HGF: variants seen among roughly 807,000 people sequenced by gnomAD.
HGF encodes hepatocyte growth factor, also known as fibroblast-derived tumor cytotoxic factor.
Under a neutral mutation model 111.6 loss-of-function variants are expected in HGF, and 39 were observed. The observed-to-expected ratio is 0.35, with a 90% CI of 0.27 to 0.46. HGF has a LOEUF of 0.46. Ranked by LOEUF, HGF falls within the 20% of genes least tolerant of loss-of-function variation. The probability of loss-of-function intolerance (pLI) is 1.00; values close to 1 mark genes in which losing one functional copy is unlikely to be tolerated. For synonymous variants in HGF, 285 were observed against 294.8 expected, an observed-to-expected ratio of 0.97 and a Z score of 0.34; for missense variants, 735 against 910.5, an observed-to-expected ratio of 0.81 and a Z score of 2.48.
intron 4 of HGF, chr7:81,756,078 C>G: frequency 1.4e-6 from 1 of 701,372 alleles, no homozygotes; most frequent in Non-Finnish European, 2.6e-6. Context: ...AAAAACAAAT[C>G]ACAGCATGGG....
chr7:81,758,592 T>C, intron 3 of HGF, 100 bp downstream of exon 3: 1 of 754,236 alleles, frequency 1.3e-6, no homozygotes, highest in South Asian at 1.4e-5. Flanking sequence ...TCATATATAG[T>C]AGAAAAATCA....
At chr7:81,768,136 T>C (rs964278660) in intron 1 of HGF, among the ~76,000 whole-genome samples, 1 of 152,210 alleles carries the variant, frequency 6.6e-6, no homozygotes, top group African/African-American at 2.4e-5. Flanking sequence ...TAATTACAAA[T>C]GTATGTCTCC....
At chr7:81,758,945 G>T (rs1479917154) in intron 2 of HGF, 141 bp from the exon 3 acceptor site, 1 of 575,740 alleles carries the variant, frequency 1.7e-6, no homozygotes, top group Non-Finnish European at 3.0e-6. Flanking sequence ...ATAAAAATAT[G>T]AGTAAAATTT....
chr7:81,711,435 CAG>C, intron 12 of HGF, 44 bp downstream of exon 12: 4 of 1,113,026 alleles, frequency 3.6e-6, no homozygotes, highest in South Asian at 1.5e-5. Context: ...TTCTGACACA[CAG>C]AGAGAGACTC....
At position 81,762,817 on chromosome 7, in the gene HGF, A is replaced by G; in HGVS notation, c.144T>C (p.Thr48=). ...GTGCTGGATCTATTTTGATTAGGGT[A>G]GTCTTTGCTGATTTTTTGAATTCAT... ...TIHEFKKSAK[T]TLIKIDPALK... Residue 48 remains threonine (T), a synonymous_variant, in exon 2 of 18, where the codon ACT becomes ACC. Transcript: ENST00000222390. The G allele has an allele frequency of 1.3e-6, 2 of 1,599,648 alleles. No individual in the cohort carries two copies. The highest frequency in any genetic ancestry group is 2.2e-5 in the South Asian group (2 of 90,740).
chr7:81,710,072 G>A, intron 13 of HGF, 75 bp downstream of exon 13: 4 of 1,018,946 alleles, frequency 3.9e-6, no homozygotes, highest in South Asian at 1.3e-5. Context: ...AGGACCACAT[G>A]TGTCCATATT....
rs1484355198 is a variant in HGF, at chr7:81,710,204, A to G, written c.1484T>C (p.Val495Ala). Residue 495 changes from valine to alanine, a missense_variant, in exon 13 of 18, where the codon GTT becomes GCT. Val to Ala is a moderately conservative substitution (Grantham distance 64). Around this residue, in one of 3 missense-constraint regions of HGF, gnomAD observed 553 missense variants for 685.6 expected, o/e 0.81. Transcript: ENST00000222390. ...TGTTCGTGTTGGAATCCCATTTACA[A>G]CTCGCAATTGTTTCGTTTTGGCACA... ...ISCAKTKQLR[V>A]VNGIPTRTNI... is the part of the protein sequence containing the mutation. 1 of 1,613,560 alleles carries G rather than the reference A, an allele frequency of 6.2e-7. No individual in the cohort carries two copies. Among genetic ancestry groups the G allele is most frequent in the Admixed American group, 1.7e-5 (1 of 59,960 alleles).
chr7:81,758,254 T>C (rs927685680), intron 3 of HGF, among the ~76,000 whole-genome samples: 2 of 152,040 alleles, frequency 1.3e-5, no homozygotes, highest in Non-Finnish European at 2.9e-5. Flanking sequence ...CTCCAAAATC[T>C]CCATATTTTG....
chr7:81,732,263 C>T (rs1583956015), intron 7 of HGF, among the ~76,000 whole-genome samples: 1 of 152,190 alleles, frequency 6.6e-6, no homozygotes, highest in East Asian at 1.9e-4. Context: ...AGATACCAAT[C>T]AAGACAATAA....
chr7:81,736,330 C>T (rs1005510245), intron 7 of HGF, among the ~76,000 whole-genome samples: 1 of 152,068 alleles, frequency 6.6e-6, no homozygotes, highest in Non-Finnish European at 1.5e-5. Flanking sequence ...GCAACCCGCC[C>T]ATTTAGTCAC....
At position 81,762,708 on chromosome 7, in the gene HGF, T is replaced by G. The variant is rs1316318909; in HGVS notation, c.253A>C (p.Lys85Gln). Reference protein sequence around the residue: ...TRNKGLPFTCKAFVFDKARKQ... With the variant: ...TRNKGLPFTCQAFVFDKARKQ... ...TAAGAAGAAAATGAAGTAACTTACT[T>G]GCAAGTGAATGGAAGTCCTTTATTC... Residue 85 changes from lysine to glutamine, a missense_variant and splice_region_variant, in exon 2 of 18, where the codon AAG becomes CAG. Coordinates refer to ENST00000222390, the MANE Select transcript of HGF (RefSeq NM_000601.6). 6.2e-7 allele frequency: 1 copy of G among 1,606,102 alleles called. No homozygotes were observed. The highest frequency in any genetic ancestry group is 8.5e-7 in the Non-Finnish European group (1 of 1,172,944).
chr7:81,729,587 T>A lies in HGF; in HGVS notation c.1040+18A>T. 1 of 1,594,438 alleles carries A rather than the reference T, an allele frequency of 6.3e-7. No individual in the cohort carries two copies. The highest frequency in any genetic ancestry group is 8.6e-7 in the Non-Finnish European group (1 of 1,162,194). The stretch of plus-strand genomic sequence containing the variant: ...CCAGGGCCTACTGAAATGTATAACA[T>A]TTGCCTACTTTACTCACTTGCACTT... On this transcript the variant is annotated intron_variant, in intron 8 of 17. Coordinates refer to ENST00000222390, the MANE Select transcript of HGF (RefSeq NM_000601.6).
At chr7:81,765,725 A>G (rs1471813199) in intron 1 of HGF, among the ~76,000 whole-genome samples, 1 of 152,234 alleles carries the variant, frequency 6.6e-6, no homozygotes. Context: ...AGTCATTCAA[A>G]AACAGCATCT....
chr7:81,725,398 A>G (rs1297186377), intron 9 of HGF, among the ~76,000 whole-genome samples: 3 of 152,182 alleles, frequency 2.0e-5, no homozygotes, highest in Non-Finnish European at 4.4e-5. Flanking sequence ...TTACACATAT[A>G]TGTGCATGGC....
At chr7:81,706,264 C>G in intron 15 of HGF, 23 bp downstream of exon 15, 1 of 1,610,418 alleles carries the variant, frequency 6.2e-7, no homozygotes, top group South Asian at 1.1e-5. Context: ...GTGAAAAATA[C>G]AAAATCTTCT....
intron 1 of HGF, among the ~76,000 whole-genome samples, chr7:81,767,058 C>T (rs1199849197): frequency 6.6e-6 from 1 of 152,056 alleles, no homozygotes; most frequent in East Asian, 1.9e-4. Context: ...GTACCTTGGG[C>T]CACTTGTGAT....
chr7:81,758,871 A>T, intron 2 of HGF, 67 bp from the exon 3 acceptor site: 1 of 1,020,624 alleles, frequency 9.8e-7, no homozygotes, highest in Non-Finnish European at 1.5e-6. Flanking sequence ...GAATGGGCAT[A>T]TGGTTCATCT....
chr7:81,727,688 G>T (rs970325372), intron 8 of HGF, among the ~76,000 whole-genome samples: 21 of 152,138 alleles, frequency 1.4e-4, no homozygotes, highest in African/African-American at 4.8e-4. Context: ...GTCACCCTTT[G>T]TTGCCCAGGC....
intron 7 of HGF, chr7:81,736,865 C>T: frequency 2.5e-6 from 1 of 399,924 alleles, no homozygotes; most frequent in South Asian, 1.8e-5. Flanking sequence ...AAGGAAATCA[C>T]TGAAGGGTTT....
Sources: gnomAD v4.1 joint callset for allele counts (sites outside exome capture counted in the v4.1 genomes callset) on GRCh38, gnomAD v4.1.1 for gene constraint, gnomAD v4.1.1 regional missense constraint, MANE v1.5 for transcripts, NCBI Gene and HGNC (gene_info 2026-07-23, HGNC 2026-07-21) for gene names.